The following TENM4 variants were observed in gnomAD, a reference collection of about 807,000 sequenced individuals.
TENM4 encodes teneurin-4.
In TENM4, 82 loss-of-function variants were observed where a neutral mutation model predicts 243.3. The ratio of observed to expected loss-of-function variants is 0.34; its 90% CI spans 0.28 to 0.40. The LOEUF (loss-of-function observed/expected upper bound fraction) is 0.40, where lower values mean the gene tolerates loss of function less well. Among genes scored for constraint, TENM4 ranks in the 10% least tolerant of loss-of-function variants. The probability of loss-of-function intolerance (pLI) is 1.00; values close to 1 mark genes in which losing one functional copy is unlikely to be tolerated. For missense variants in TENM4, 3,138 were observed against 3,673.3 expected (o/e 0.85, Z 3.77); for synonymous variants, 1,412 against 1,456.3 (o/e 0.97, Z 0.69).
chr11:79,373,492 G>A (rs866749112), intron 1 of TENM4, among the ~76,000 whole-genome samples: 46 of 152,170 alleles, frequency 3.0e-4, no homozygotes, highest in Middle Eastern at 6.8e-3. Context: ...ATAAATGGGT[G>A]GATAGGTGAA....
rs1591283963 is a variant in TENM4 at position 79,101,601 on chromosome 11, T to C, written c.-65-31592A>G. 2.6e-5 allele frequency among the ~76,000 whole-genome samples: 4 copies of C among 152,334 alleles called. No homozygotes were observed. In the East Asian group the frequency reaches 7.7e-4, roughly 29 times the overall value. ...ACAGTGCTTTACTTCTCTGGGTTCC[T>C]TGTGTTACGTGGGTAAATGATGCTC... is the stretch of plus-strand genomic sequence containing the variant. On this transcript the variant is annotated intron_variant, in intron 4 of 33. Transcript: ENST00000278550.
chr11:78,856,196 A>G lies in TENM4; in HGVS notation c.1256-18T>C. On this transcript the variant is annotated intron_variant, in intron 10 of 33. Coordinates refer to ENST00000278550, the MANE Select transcript of TENM4 (RefSeq NM_001098816.3). ...GGGCTTTCCTACCAAGATAGAGGGA[A>G]GGGAAGACAAAGACATCTCGGTTAG... is the stretch of plus-strand genomic sequence containing the variant. 1 of 1,548,866 alleles carries G rather than the reference A, an allele frequency of 6.5e-7. No individual in the cohort carries two copies. Among genetic ancestry groups the G allele is most frequent in the Non-Finnish European group, 8.7e-7 (1 of 1,144,834 alleles).
intron 1 of TENM4, among the ~76,000 whole-genome samples, chr11:79,377,055 A>G (rs775194647): frequency 7.2e-5 from 11 of 152,194 alleles, no homozygotes; most frequent in Admixed American, 1.3e-4. Flanking sequence ...CCTATATGAA[A>G]GAGGCAGAGG....
intron 3 of TENM4, among the ~76,000 whole-genome samples, chr11:79,171,721 G>C (rs184421410): frequency 6.6e-6 from 1 of 152,204 alleles, no homozygotes; most frequent in Non-Finnish European, 1.5e-5. Flanking sequence ...GCTTGCTGTA[G>C]AACGTAGCCT....
At chr11:78,887,719 A>G (rs897439583) in intron 9 of TENM4, among the ~76,000 whole-genome samples, 11 of 152,208 alleles carry the variant, frequency 7.2e-5, no homozygotes, top group African/African-American at 1.4e-4. Flanking sequence ...AGTTGCCCCT[A>G]TCTTTAAATA....
At chr11:79,333,384 G>T (rs140129102) in intron 1 of TENM4, among the ~76,000 whole-genome samples, 1 of 152,126 alleles carries the variant, frequency 6.6e-6, no homozygotes, top group Non-Finnish European at 1.5e-5. Context: ...AATACCTGGG[G>T]TCTTTCATTT....
intron 6 of TENM4, among the ~76,000 whole-genome samples, chr11:78,940,214 T>A (rs1229082694): frequency 6.6e-6 from 1 of 152,216 alleles, no homozygotes; most frequent in Admixed American, 6.5e-5. Flanking sequence ...CATTATACTA[T>A]GAGAATTTTA....
At chr11:79,199,615 C>T (rs1384474733) in intron 3 of TENM4, among the ~76,000 whole-genome samples, 1 of 152,158 alleles carries the variant, frequency 6.6e-6, no homozygotes, top group Non-Finnish European at 1.5e-5. Context: ...CAGGGAATGC[C>T]CTTCCATTAC....
chr11:79,349,762 T>G (rs1204184206), intron 1 of TENM4, among the ~76,000 whole-genome samples: 1 of 152,186 alleles, frequency 6.6e-6, no homozygotes, highest in Non-Finnish European at 1.5e-5. Context: ...CTCTCTGGAA[T>G]GCAATCCAGG....
At chr11:79,314,637 T>C (rs759413079) in intron 1 of TENM4, among the ~76,000 whole-genome samples, 6 of 152,240 alleles carry the variant, frequency 3.9e-5, no homozygotes, top group Non-Finnish European at 7.3e-5. Flanking sequence ...CTAGTCATAT[T>C]AGTTACTTAT....
chr11:79,107,093 G>A (rs1455176432), intron 4 of TENM4, among the ~76,000 whole-genome samples: 7 of 152,126 alleles, frequency 4.6e-5, no homozygotes, highest in African/African-American at 1.4e-4. Context: ...TTTTATGGAT[G>A]AGGAACAGGT....
Position 79,347,759 on chromosome 11 carries a change from C to A in TENM4, c.-320-50216G>T, listed in dbSNP as rs569022631. Reference sequence around the variant, plus strand: ...TCAGATGTTTAATTATATCTATCCTCTCCTTTTTTTTTTTTTTTTTTTTTT... The same window carrying A: ...TCAGATGTTTAATTATATCTATCCTATCCTTTTTTTTTTTTTTTTTTTTTT... On this transcript the variant is annotated intron_variant, in intron 1 of 33. Transcript: ENST00000278550. Among the ~76,000 whole-genome samples, 24 of 145,620 alleles carry A rather than the reference C, an allele frequency of 1.6e-4. No individual in the cohort carries two copies. In the South Asian group the frequency reaches 3.9e-3, roughly 24 times the overall value.
chr11:79,216,773 C>T (rs1466589480), intron 2 of TENM4, among the ~76,000 whole-genome samples: 1 of 152,184 alleles, frequency 6.6e-6, no homozygotes, highest in African/African-American at 2.4e-5. Context: ...ATTTCTCAGC[C>T]TCCAGAACTG....
chr11:79,327,769 A>G (rs1856998131), intron 1 of TENM4, among the ~76,000 whole-genome samples: 1 of 151,928 alleles, frequency 6.6e-6, no homozygotes, highest in Non-Finnish European at 1.5e-5. Context: ...AGTGATCTGA[A>G]TCCTGGTACC....
intron 6 of TENM4, among the ~76,000 whole-genome samples, chr11:78,985,071 A>T (rs1337781503): frequency 6.6e-6 from 1 of 152,174 alleles, no homozygotes; most frequent in African/African-American, 2.4e-5. Flanking sequence ...CCTCATCTGT[A>T]AAATGGGGAT....
chr11:78,866,458 TAAA>T lies in TENM4; in HGVS notation c.1085-3329_1085-3327del, dbSNP rs5792824. Among the ~76,000 whole-genome samples the T allele has an allele frequency of 9.8e-3, 1,283 of 130,600 alleles. 18 individuals carry two copies. The highest frequency in any genetic ancestry group is 0.034 in the African/African-American group (1,207 of 35,198). 85.7% of individuals were successfully genotyped at this position (130,600 alleles called of 152,430 possible). ...AACAAGATGCAAATAAGTCCTTGCT[TAAA>T]AAAAAAAAAAAAAAAAGATACGTTG... On this transcript the variant is annotated intron_variant, in intron 9 of 33. Transcript: ENST00000278550.
At chr11:79,284,017 A>C in intron 2 of TENM4, among the ~76,000 whole-genome samples, 1 of 152,348 alleles carries the variant, frequency 6.6e-6, no homozygotes, top group Non-Finnish European at 1.5e-5. Context: ...AGACTTGTAT[A>C]CTAAATATTA....
At position 78,670,306 on chromosome 11, in the gene TENM4, C is replaced by T; in HGVS notation, c.6039G>A (p.Lys2013=). The change falls in exon 32 of 34, where the codon AAG becomes AAA. Residue 2013 remains lysine, a synonymous_variant. Transcript: ENST00000278550. ...CTGCCAGCTTTGACAGTTTGCCATA[C>T]TTGTATATCACCCTGCGGCCAGTGC... ...YLGTGRRVIY[K]YGKLSKLAET... is the part of the protein sequence containing the mutation. 5.0e-6 allele frequency: 8 copies of T among 1,613,920 alleles called. No homozygotes were observed. The highest frequency in any genetic ancestry group is 3.3e-5 in the Admixed American group (2 of 60,016).
At chr11:79,105,237 T>C (rs1271698278) in intron 4 of TENM4, among the ~76,000 whole-genome samples, 1 of 152,230 alleles carries the variant, frequency 6.6e-6, no homozygotes, top group East Asian at 1.9e-4. Context: ...AATTCCCTTT[T>C]CTGTTATTGC....
Sources: allele counts gnomAD v4.1 joint callset (sites outside exome capture counted in the v4.1 genomes callset), GRCh38; gene constraint gnomAD v4.1.1; transcripts MANE v1.5; gene names NCBI Gene and HGNC (gene_info 2026-07-23, HGNC 2026-07-21).